Variants in TMEFF1 observed in about 807,000 individuals in gnomAD.
The protein encoded by TMEFF1 is tomoregulin-1.
Under a neutral mutation model 47.5 loss-of-function variants are expected in TMEFF1, and 20 were observed. The observed-to-expected ratio is 0.42, with a 90% CI of 0.30 to 0.61. The LOEUF (loss-of-function observed/expected upper bound fraction) is 0.61, where lower values mean the gene tolerates loss of function less well. TMEFF1 is among the 20% of genes least tolerant of loss of function. The probability of loss-of-function intolerance (pLI) is 0.19; values close to 1 mark genes in which losing one functional copy is unlikely to be tolerated. For synonymous variants in TMEFF1, 162 were observed against 166.3 expected, an observed-to-expected ratio of 0.97 and a Z score of 0.20; for missense variants, 411 against 471.1, an observed-to-expected ratio of 0.87 and a Z score of 1.18.
chr9:100,495,726 T>G (rs977833576), intron 1 of TMEFF1, among the ~76,000 whole-genome samples: 4 of 152,040 alleles, frequency 2.6e-5, no homozygotes, highest in Non-Finnish European at 5.9e-5. Flanking sequence ...ATAACCAGAG[T>G]AATCAGAATT....
chr9:100,527,013 C>T (rs1838271242), intron 5 of TMEFF1, among the ~76,000 whole-genome samples: 1 of 137,120 alleles, frequency 7.3e-6, no homozygotes, highest in Non-Finnish European at 1.5e-5. Context: ...CGTGGTGGCA[C>T]ATAACTGTAA....
At chr9:100,494,941 A>C (rs1045537567) in intron 1 of TMEFF1, among the ~76,000 whole-genome samples, 1 of 152,204 alleles carries the variant, frequency 6.6e-6, no homozygotes, top group Non-Finnish European at 1.5e-5. Context: ...ATCTGAAATC[A>C]TCTGATGTTA....
chr9:100,505,681 A>G (rs140271991), intron 2 of TMEFF1, among the ~76,000 whole-genome samples: 1 of 152,142 alleles, frequency 6.6e-6, no homozygotes, highest in African/African-American at 2.4e-5. Flanking sequence ...CATCCTTGGA[A>G]TCTATCTGGT....
At chr9:100,553,644 T>C (rs1379160257) in intron 7 of TMEFF1, among the ~76,000 whole-genome samples, 1 of 152,206 alleles carries the variant, frequency 6.6e-6, no homozygotes, top group Non-Finnish European at 1.5e-5. Context: ...GTTGTAGATG[T>C]TGAAGTCATA....
chr9:100,516,546 G>T, intron 4 of TMEFF1, 129 bp from the exon 5 acceptor site: 3 of 1,174,248 alleles, frequency 2.6e-6, no homozygotes, highest in Non-Finnish European at 3.5e-6. Context: ...GGTAGATTTT[G>T]GAAGTGACTG....
At chr9:100,508,900 A>G (rs550605349) in intron 2 of TMEFF1, 105 bp from the exon 3 acceptor site, 19 of 1,274,794 alleles carry the variant, frequency 1.5e-5, no homozygotes, top group South Asian at 9.1e-5. Flanking sequence ...CAGACTATTC[A>G]GTAGCGAAGT....
chr9:100,515,647 A>G (rs1401564125), intron 4 of TMEFF1, among the ~76,000 whole-genome samples: 3 of 151,890 alleles, frequency 2.0e-5, no homozygotes, highest in African/African-American at 7.3e-5. Flanking sequence ...TTAGCTGGGC[A>G]TGGTGGTGTG....
At chr9:100,499,633 A>G (rs1281123373) in intron 2 of TMEFF1, among the ~76,000 whole-genome samples, 4 of 152,192 alleles carry the variant, frequency 2.6e-5, no homozygotes, top group African/African-American at 9.7e-5. Context: ...AAACGAAAGC[A>G]TAGGAGAGTT....
At chr9:100,484,929 G>A (rs1837421198) in intron 1 of TMEFF1, among the ~76,000 whole-genome samples, 1 of 151,920 alleles carries the variant, frequency 6.6e-6, no homozygotes, top group Admixed American at 6.6e-5. Context: ...TGCCTGCCTC[G>A]GCCTCCTAAA....
rs372030454 is a variant in TMEFF1, at chr9:100,550,105, C to T, written c.720C>T (p.Asp240=). The T allele has an allele frequency of 1.0e-4, 167 of 1,610,944 alleles. No individual in the cohort carries two copies. Among genetic ancestry groups the T allele is most frequent in the Non-Finnish European group, 1.3e-4 (157 of 1,178,792 alleles). ...CGTCTTCTCTTACAGATACAGATGACACTAGTTTGTTGGGAAAGAAAGATG... is the reference window on the plus strand; with the variant it reads ...CGTCTTCTCTTACAGATACAGATGATACTAGTTTGTTGGGAAAGAAAGATG... ...RHLGHCTDTD[D]TSLLGKKDDG... The change falls in exon 7 of 10, where the codon GAC becomes GAT. Residue 240 remains aspartate (D), a synonymous_variant. Coordinates refer to ENST00000374879, the MANE Select transcript of TMEFF1 (RefSeq NM_003692.5).
intron 5 of TMEFF1, among the ~76,000 whole-genome samples, chr9:100,543,328 T>A (rs538573970): frequency 6.6e-6 from 1 of 152,310 alleles, no homozygotes; most frequent in African/African-American, 2.4e-5. Flanking sequence ...TCCTTTAGCT[T>A]CTCTAATCAG....
chr9:100,495,895 T>C (rs1296364853), intron 1 of TMEFF1, among the ~76,000 whole-genome samples: 7 of 152,230 alleles, frequency 4.6e-5, no homozygotes, highest in Non-Finnish European at 1.0e-4. Flanking sequence ...CTTCCTGTGC[T>C]GTTTGCTGCC....
At chr9:100,523,959 C>T (rs1332110324) in intron 5 of TMEFF1, among the ~76,000 whole-genome samples, 4 of 152,098 alleles carry the variant, frequency 2.6e-5, no homozygotes, top group Non-Finnish European at 5.9e-5. Context: ...TATATGCATT[C>T]ATGCCTTCGA....
intron 7 of TMEFF1, among the ~76,000 whole-genome samples, chr9:100,553,672 T>C (rs1838866549): frequency 6.6e-6 from 1 of 152,188 alleles, no homozygotes; most frequent in Admixed American, 6.5e-5. Context: ...TGATTGAGCA[T>C]GAGTTGTATG....
chr9:100,536,987 A>C (rs1165386394), intron 5 of TMEFF1, among the ~76,000 whole-genome samples: 1 of 152,212 alleles, frequency 6.6e-6, no homozygotes, highest in African/African-American at 2.4e-5. Context: ...GTCAGTCTGA[A>C]GAGATGTTAC....
At chr9:100,504,315 G>T (rs1444534071) in intron 2 of TMEFF1, among the ~76,000 whole-genome samples, 1 of 152,182 alleles carries the variant, frequency 6.6e-6, no homozygotes, top group Non-Finnish European at 1.5e-5. Context: ...ATGACCAACA[G>T]CAGGTCTACT....
chr9:100,484,145 T>C (rs1450726863), intron 1 of TMEFF1, among the ~76,000 whole-genome samples: 3 of 148,998 alleles, frequency 2.0e-5, no homozygotes, highest in Non-Finnish European at 4.5e-5. Flanking sequence ...TGTCTCCCAA[T>C]AGAGTTATAG....
At chr9:100,522,679 C>T (rs1312657972) in intron 5 of TMEFF1, among the ~76,000 whole-genome samples, 1 of 151,740 alleles carries the variant, frequency 6.6e-6, no homozygotes, top group Non-Finnish European at 1.5e-5. Flanking sequence ...TCGTGATCCA[C>T]CTGCCTCGGC....
At chr9:100,535,597 C>T (rs989804951) in intron 5 of TMEFF1, among the ~76,000 whole-genome samples, 1 of 152,192 alleles carries the variant, frequency 6.6e-6, no homozygotes, top group Admixed American at 6.5e-5. Context: ...ATGGCCAAAC[C>T]CTGCCTCTAC....
Sources: allele counts gnomAD v4.1 joint callset (sites outside exome capture counted in the v4.1 genomes callset), GRCh38; gene constraint gnomAD v4.1.1; transcripts MANE v1.5; gene names NCBI Gene and HGNC (gene_info 2026-07-23, HGNC 2026-07-21).